SMARCC1: variants seen among roughly 807,000 people sequenced by gnomAD.
SMARCC1 encodes the protein SWI/SNF complex subunit SMARCC1.
SMARCC1 carries 43 observed loss-of-function variants against 147.4 expected under a neutral mutation model. The observed-to-expected ratio is 0.29, with a 90% CI of 0.23 to 0.38. SMARCC1 has a LOEUF of 0.38. Among genes scored for constraint, SMARCC1 ranks in the 10% least tolerant of loss-of-function variants. The pLI is 1.00. For missense variants in SMARCC1, 1,119 were observed against 1,381.1 expected, an observed-to-expected ratio of 0.81 and a Z score of 3.01; for synonymous variants, 495 against 484.4, an observed-to-expected ratio of 1.02 and a Z score of -0.29.
Position 47,735,466 on chromosome 3 carries a change from G to T in SMARCC1, c.576+568C>A, listed in dbSNP as rs1194125656. Among the ~76,000 whole-genome samples the T allele has an allele frequency of 2.0e-5, 3 of 152,192 alleles. No homozygotes were observed. In the South Asian group the frequency reaches 6.2e-4, roughly 32 times the overall value. On this transcript the variant is annotated intron_variant, in intron 5 of 27. Transcript: ENST00000254480. ...AGCCAGGAATTCAAGACCAGCCTGG[G>T]AACATAGTGAGAAACCATTGTGGCC... is the stretch of plus-strand genomic sequence containing the variant.
At chr3:47,755,134 C>G (rs1374870867) in intron 2 of SMARCC1, among the ~76,000 whole-genome samples, 1 of 152,028 alleles carries the variant, frequency 6.6e-6, no homozygotes, top group African/African-American at 2.4e-5. Flanking sequence ...CTGGTTGAAA[C>G]CAGAAGGTGG....
chr3:47,684,034 CG>C (rs1239765765), intron 14 of SMARCC1, among the ~76,000 whole-genome samples: 2 of 152,062 alleles, frequency 1.3e-5, no homozygotes, highest in African/African-American at 4.8e-5. Context: ...GGGCGGATCA[CG>C]AGGTCAGGAG....
chr3:47,673,725 T>C (rs2033534606), intron 18 of SMARCC1, among the ~76,000 whole-genome samples: 1 of 152,310 alleles, frequency 6.6e-6, no homozygotes, highest in South Asian at 2.1e-4. Flanking sequence ...GGAGGTATGA[T>C]ACATACACAA....
At chr3:47,620,550 A>G (rs1283393228) in intron 25 of SMARCC1, among the ~76,000 whole-genome samples, 1 of 152,138 alleles carries the variant, frequency 6.6e-6, no homozygotes, top group African/African-American at 2.4e-5. Flanking sequence ...TCCCAAGATA[A>G]CCAAATGTTT....
intron 25 of SMARCC1, among the ~76,000 whole-genome samples, chr3:47,614,864 A>C (rs540633288): frequency 6.6e-6 from 1 of 152,276 alleles, no homozygotes; most frequent in South Asian, 2.1e-4. Context: ...AGGCCTCTGG[A>C]CTGCTTTCAA....
At chr3:47,709,732 G>T (rs778347074) in intron 9 of SMARCC1, among the ~76,000 whole-genome samples, 1 of 151,768 alleles carries the variant, frequency 6.6e-6, no homozygotes, top group African/African-American at 2.4e-5. Context: ...CAACACCCCA[G>T]GAAAAGGAAC....
chr3:47,772,547 A>G (rs1386567685), intron 2 of SMARCC1, among the ~76,000 whole-genome samples: 1 of 152,190 alleles, frequency 6.6e-6, no homozygotes, highest in East Asian at 1.9e-4. Context: ...AAGACTCGGT[A>G]CGGCGAGAGG....
chr3:47,755,569 G>T (rs900197724), intron 2 of SMARCC1, among the ~76,000 whole-genome samples: 4 of 147,382 alleles, frequency 2.7e-5, no homozygotes, highest in African/African-American at 1.0e-4. Flanking sequence ...AGTTTAAAAT[G>T]TAAAACAGGC....
intron 24 of SMARCC1, among the ~76,000 whole-genome samples, chr3:47,634,829 T>G (rs1462504133): frequency 1.3e-5 from 2 of 152,212 alleles, no homozygotes; most frequent in Admixed American, 6.5e-5. Flanking sequence ...TTAAAAATCA[T>G]AAATATTTCA....
chr3:47,741,603 A>C (rs563393594), intron 3 of SMARCC1, among the ~76,000 whole-genome samples: 14 of 151,750 alleles, frequency 9.2e-5, no homozygotes, highest in Admixed American at 2.6e-4. Context: ...GAAGACAAGG[A>C]TGAGTATCTT....
chr3:47,773,019 T>C, intron 1 of SMARCC1, 83 bp from the exon 2 acceptor site: 1 of 1,258,226 alleles, frequency 7.9e-7, no homozygotes, highest in Non-Finnish European at 1.1e-6. Flanking sequence ...ACCTACTAAG[T>C]ACTTACGTTA....
rs2032080069 is a variant in SMARCC1, at chr3:47,586,947, C to T, written c.*1262G>A. On this transcript the variant is annotated 3_prime_UTR_variant, in exon 28 of 28. Transcript: ENST00000254480. Reference sequence around the variant, plus strand: ...CATTCTACCCTCCCAGCCTGAGCACCCCAAACCTCAAAGCATGATGCTCTG... The same window carrying T: ...CATTCTACCCTCCCAGCCTGAGCACTCCAAACCTCAAAGCATGATGCTCTG... 2 of 152,694 alleles carry T rather than the reference C, an allele frequency of 1.3e-5. No homozygotes were observed. The highest frequency in any genetic ancestry group is 1.9e-4 in the East Asian group (1 of 5,184). 9.5% of individuals were successfully genotyped at this position (152,694 alleles called of 1,614,324 possible).
intron 3 of SMARCC1, among the ~76,000 whole-genome samples, chr3:47,742,959 T>C (rs183745047): frequency 5.9e-5 from 9 of 152,328 alleles, no homozygotes; most frequent in Non-Finnish European, 1.0e-4. Flanking sequence ...CAACCTCATA[T>C]GCATGACATT....
chr3:47,694,213 C>A (rs1161284689), intron 11 of SMARCC1, among the ~76,000 whole-genome samples: 1 of 152,150 alleles, frequency 6.6e-6, no homozygotes, highest in Non-Finnish European at 1.5e-5. Context: ...CAAAAACATT[C>A]TTTTGTAATT....
At chr3:47,631,117 A>G (rs1341800309) in intron 24 of SMARCC1, among the ~76,000 whole-genome samples, 2 of 152,088 alleles carry the variant, frequency 1.3e-5, no homozygotes, top group East Asian at 1.9e-4. Flanking sequence ...GGAGAGAGAA[A>G]GAGAAAAAAG....
In SMARCC1 at chr3:47,680,522, GA is replaced by G; in HGVS notation, c.1386-15del. 8 of 678,244 alleles carry G rather than the reference GA, an allele frequency of 1.2e-5. No homozygotes were observed. Among genetic ancestry groups the G allele is most frequent in the Non-Finnish European group, 1.8e-5 (8 of 439,016 alleles). 42.0% of individuals were successfully genotyped at this position (678,244 alleles called of 1,614,324 possible). On this transcript the variant is annotated splice_polypyrimidine_tract_variant and intron_variant, in intron 14 of 27. Coordinates refer to ENST00000254480, the MANE Select transcript of SMARCC1 (RefSeq NM_003074.4). ...ATCACATGAATACTGAAAAGAAGAA[GA>G]AAAAAAGATTTAGGAGTGTTCTTTT...
chr3:47,723,473 T>TAA (rs1208369612), intron 6 of SMARCC1, among the ~76,000 whole-genome samples: 1 of 138,554 alleles, frequency 7.2e-6, no homozygotes. Flanking sequence ...AATTCTGTCT[T>TAA]AAAAAAAAAA....
intron 5 of SMARCC1, among the ~76,000 whole-genome samples, chr3:47,734,933 T>G (rs1206716641): frequency 6.6e-6 from 1 of 152,160 alleles, no homozygotes; most frequent in African/African-American, 2.4e-5. Context: ...AATTTTATAT[T>G]TTTAGTAGAG....
chr3:47,667,053 C>T (rs1171875609), intron 19 of SMARCC1, among the ~76,000 whole-genome samples: 2 of 152,140 alleles, frequency 1.3e-5, no homozygotes, highest in African/African-American at 4.8e-5. Context: ...CACGGTGGCT[C>T]ACGCCTGTAA....
Sources: gnomAD v4.1 joint callset for allele counts (sites outside exome capture counted in the v4.1 genomes callset) on GRCh38, gnomAD v4.1.1 for gene constraint, MANE v1.5 for transcripts, NCBI Gene and HGNC (gene_info 2026-07-23, HGNC 2026-07-21) for gene names.